CELF2: variants seen among roughly 807,000 people sequenced by gnomAD.
CELF2 encodes CUG triplet repeat RNA-binding protein 2.
In CELF2, 8 loss-of-function variants were observed where a neutral mutation model predicts 62.6. That is an observed-to-expected ratio of 0.13 (90% CI 0.07 to 0.23). The LOEUF is 0.23. Ranked by LOEUF, CELF2 falls within the 10% of genes least tolerant of loss-of-function variation. The pLI, the probability that CELF2 is intolerant of heterozygous loss-of-function variation, is 1.00. For missense variants in CELF2, 333 were observed against 671.0 expected (o/e 0.50, Z 5.56); for synonymous variants, 258 against 250.0 (o/e 1.03, Z -0.30).
chr10:10,886,605 G>A (rs1247916177), intron 1 of CELF2, among the ~76,000 whole-genome samples: 1 of 152,214 alleles, frequency 6.6e-6, no homozygotes, highest in Non-Finnish European at 1.5e-5. Flanking sequence ...AGGAGGCCAA[G>A]GCAGGAGGAT....
In CELF2 at chr10:11,191,951, A is replaced by T. The variant is rs117434703; in HGVS notation, c.272-25474A>T. Among the ~76,000 whole-genome samples, 353 of 152,190 alleles carry T rather than the reference A, an allele frequency of 2.3e-3. 3 individuals carry two copies. The highest frequency in any genetic ancestry group is 4.3e-3 in the Non-Finnish European group (289 of 67,996). Reference sequence around the variant, plus strand: ...TCTTAGGAACCTGGCAACCCCAGGGAATTTTCCTGACAAGTCAGTGTCATT... The same window carrying T: ...TCTTAGGAACCTGGCAACCCCAGGGTATTTTCCTGACAAGTCAGTGTCATT... On this transcript the variant is annotated intron_variant, in intron 2 of 12. Transcript: ENST00000633077. This position sits in a 1 kb window ranked among gnomAD's most constrained non-coding sequence, Gnocchi z 4.1.
At chr10:10,769,927 A>C in the CELF2 span, among the ~76,000 whole-genome samples, 1 of 152,170 alleles carries the variant, frequency 6.6e-6, no homozygotes, top group Admixed American at 6.5e-5. Context: ...ACTAGACTTA[A>C]TTGCTGTACC....
At chr10:11,096,361 C>G (rs746495891) in intron 1 of CELF2, 2 of 152,208 alleles carry the variant, frequency 1.3e-5, no homozygotes, top group African/African-American at 2.4e-5. Flanking sequence ...TTCCCCTTCA[C>G]GAATCCTTAC....
At chr10:10,551,646 C>G in the CELF2 span, among the ~76,000 whole-genome samples, 1 of 152,138 alleles carries the variant, frequency 6.6e-6, no homozygotes, top group Non-Finnish European at 1.5e-5. Context: ...CTGCACAGCC[C>G]CACTCTGCGC....
chr10:10,561,254 C>G, the CELF2 span, among the ~76,000 whole-genome samples: 1 of 152,066 alleles, frequency 6.6e-6, no homozygotes, highest in African/African-American at 2.4e-5. Flanking sequence ...ACTATTTGCC[C>G]TCTCCCCTTT....
At chr10:10,924,861 GA>G in intron 2 of CELF2, 1 of 151,600 alleles carries the variant, frequency 6.6e-6, no homozygotes. Context: ...CAAGAAGACG[GA>G]AATGCCTGGT....
chr10:10,560,673 T>C, the CELF2 span, among the ~76,000 whole-genome samples: 1 of 151,898 alleles, frequency 6.6e-6, no homozygotes, highest in Non-Finnish European at 1.5e-5. Flanking sequence ...ACTGGGTATC[T>C]ACCCAGAGGG....
intron 2 of CELF2, among the ~76,000 whole-genome samples, chr10:11,204,561 G>T (rs1051938597): frequency 6.6e-6 from 1 of 152,248 alleles, no homozygotes; most frequent in Non-Finnish European, 1.5e-5. Flanking sequence ...CCGGTGGGGG[G>T]ACCCAGGAAG....
At chr10:11,106,787 G>A (rs1245594914) in intron 1 of CELF2, among the ~76,000 whole-genome samples, 1 of 152,244 alleles carries the variant, frequency 6.6e-6, no homozygotes, top group Non-Finnish European at 1.5e-5. Flanking sequence ...GGGCATTGCA[G>A]TTGTGGTTCT....
intron 1 of CELF2, among the ~76,000 whole-genome samples, chr10:11,163,682 C>T (rs1003028359): frequency 6.6e-6 from 1 of 152,120 alleles, no homozygotes; most frequent in African/African-American, 2.4e-5. Context: ...TCAAGTTAGA[C>T]AGTCTGATTG....
chr10:10,730,681 G>A, the CELF2 span, among the ~76,000 whole-genome samples: 741 of 152,250 alleles, frequency 4.9e-3, 7 homozygotes, highest in African/African-American at 0.017. Context: ...CTGCCTTCAC[G>A]CCTTCCAGGA....
At chr10:10,629,861 C>CAAAAAAAAAAAAAAAAAAAAAAAA in the CELF2 span, among the ~76,000 whole-genome samples, 2 of 12,342 alleles carry the variant, frequency 1.6e-4, 1 homozygote, top group African/African-American at 6.7e-4. Context: ...GGCTGAAGAC[C>CAAAAAAAAAAAAAAAAAAAAAAAA]AAAAAAAAAA....
intron 1 of CELF2, among the ~76,000 whole-genome samples, chr10:10,809,664 A>G (rs2055637306): frequency 6.6e-6 from 1 of 152,226 alleles, no homozygotes; most frequent in Non-Finnish European, 1.5e-5. Context: ...ATGAATATCC[A>G]TTATTTAATT....
At chr10:11,282,608 C>T (rs1245406324) in intron 8 of CELF2, among the ~76,000 whole-genome samples, 2 of 152,242 alleles carry the variant, frequency 1.3e-5, no homozygotes, top group East Asian at 1.9e-4. Context: ...TAACTCTGCA[C>T]TAGGCATTGT....
chr10:11,082,903 C>T (rs2074400770), intron 1 of CELF2, among the ~76,000 whole-genome samples: 1 of 152,136 alleles, frequency 6.6e-6, no homozygotes, highest in Admixed American at 6.5e-5. Context: ...GTGAAACAGC[C>T]CCTTGGTGTG....
chr10:10,533,439 T>A, the CELF2 span, among the ~76,000 whole-genome samples: 1 of 152,238 alleles, frequency 6.6e-6, no homozygotes, highest in South Asian at 2.1e-4. Flanking sequence ...TAATAGTTTT[T>A]AAATACCTAT....
rs567395112 is a variant in CELF2 at position 11,305,924 on chromosome 10, T to C, written c.977-8215T>C. On this transcript the variant is annotated intron_variant, in intron 9 of 12. Transcript: ENST00000633077. The surrounding 1 kb of genome is among the most constrained non-coding windows in gnomAD (Gnocchi z 4.8). ...TTTTCCTGTTCTCCACACCCCACCC[T>C]GCCCCACAAACAGTTTTCACAAAAG... is the stretch of plus-strand genomic sequence containing the variant. Among the ~76,000 whole-genome samples, 4 of 152,334 alleles carry C rather than the reference T, an allele frequency of 2.6e-5. 1 individual carries two copies. In the South Asian group the frequency reaches 8.3e-4, roughly 32 times the overall value.
At chr10:11,320,736 C>G in intron 10 of CELF2, 2 of 1,035,316 alleles carry the variant, frequency 1.9e-6, no homozygotes, top group South Asian at 3.0e-5. Flanking sequence ...TCATCCTTTC[C>G]TCCTCAGCCC....
chr10:10,751,589 C>T, the CELF2 span, among the ~76,000 whole-genome samples: 1 of 152,132 alleles, frequency 6.6e-6, no homozygotes, highest in Non-Finnish European at 1.5e-5. Context: ...TGAGGCAGGG[C>T]ACTGCATTCA....
Sources: gnomAD v4.1 joint callset for allele counts (sites outside exome capture counted in the v4.1 genomes callset) on GRCh38, gnomAD v4.1.1 for gene constraint, Gnocchi (gnomAD v3.1) non-coding constraint, MANE v1.5 for transcripts, NCBI Gene and HGNC (gene_info 2026-07-23, HGNC 2026-07-21) for gene names.